Variants in GRIA4 observed in about 807,000 individuals in gnomAD.
The protein encoded by GRIA4 is glutamate receptor 4.
Under a neutral mutation model 104.0 loss-of-function variants are expected in GRIA4, and 34 were observed. The observed-to-expected ratio is 0.33, with a 90% CI of 0.25 to 0.44. The LOEUF (loss-of-function observed/expected upper bound fraction) is 0.44, where lower values mean the gene tolerates loss of function less well. Among genes scored for constraint, GRIA4 ranks in the 20% least tolerant of loss-of-function variants. GRIA4 has a pLI of 1.00. For missense variants in GRIA4, 750 were observed against 1,096.5 expected, an observed-to-expected ratio of 0.68 and a Z score of 4.46; for synonymous variants, 386 against 381.9, an observed-to-expected ratio of 1.01 and a Z score of -0.13.
At chr11:105,689,437 G>T (rs1047292725) in intron 3 of GRIA4, among the ~76,000 whole-genome samples, 21 of 152,124 alleles carry the variant, frequency 1.4e-4, no homozygotes, top group African/African-American at 5.1e-4. Flanking sequence ...CCCTTTTAAT[G>T]ACCTAGAACT....
At chr11:105,776,475 A>G in intron 4 of GRIA4, among the ~76,000 whole-genome samples, 1 of 152,216 alleles carries the variant, frequency 6.6e-6, no homozygotes, top group South Asian at 2.1e-4. Context: ...TAGTAAACAG[A>G]GAGATTGATT....
At chr11:105,746,172 T>A (rs75946531) in intron 3 of GRIA4, among the ~76,000 whole-genome samples, 5 of 151,956 alleles carry the variant, frequency 3.3e-5, no homozygotes, top group Non-Finnish European at 7.4e-5. Flanking sequence ...AGTAATTGTA[T>A]AATATTATTA....
intron 5 of GRIA4, among the ~76,000 whole-genome samples, chr11:105,870,646 G>T (rs1945581863): frequency 6.6e-6 from 1 of 152,022 alleles, no homozygotes; most frequent in African/African-American, 2.4e-5. Flanking sequence ...GCATGTGTGA[G>T]AACAGGGTAA....
chr11:105,955,772 C>A (rs1948571796), intron 14 of GRIA4, among the ~76,000 whole-genome samples: 1 of 152,198 alleles, frequency 6.6e-6, no homozygotes, highest in Non-Finnish European at 1.5e-5. Flanking sequence ...CACAGCCTTG[C>A]CAGCATCTAT....
At position 105,639,813 on chromosome 11, in the gene GRIA4, A is replaced by T. The variant is rs78900106; in HGVS notation, c.247+27379A>T. On this transcript the variant is annotated intron_variant, in intron 3 of 16. Transcript: ENST00000282499. Reference sequence around the variant, plus strand: ...CAGTGTTCTTCCATTGTTCCATAGTAACCTTACTGATATAAAAGTAGTAAC... The same window carrying T: ...CAGTGTTCTTCCATTGTTCCATAGTTACCTTACTGATATAAAAGTAGTAAC... 7.4e-4 allele frequency among the ~76,000 whole-genome samples: 112 copies of T among 152,094 alleles called. 1 individual carries two copies. The East Asian group carries it at 0.02, about 27-fold the overall frequency.
intron 4 of GRIA4, among the ~76,000 whole-genome samples, chr11:105,803,078 A>T (rs1591281313): frequency 6.6e-6 from 1 of 152,026 alleles, no homozygotes; most frequent in Non-Finnish European, 1.5e-5. Flanking sequence ...GGAAATATAG[A>T]TATGTCTACT....
At chr11:105,642,832 A>G (rs1027474917) in intron 3 of GRIA4, among the ~76,000 whole-genome samples, 2 of 152,174 alleles carry the variant, frequency 1.3e-5, no homozygotes, top group Non-Finnish European at 2.9e-5. Flanking sequence ...AAAGTATAGC[A>G]TGATGTCAGT....
chr11:105,913,779 T>A (rs540500078), intron 10 of GRIA4, among the ~76,000 whole-genome samples: 2 of 152,092 alleles, frequency 1.3e-5, no homozygotes, highest in Non-Finnish European at 2.9e-5. Flanking sequence ...GGGATGCTTA[T>A]GATGCATTGC....
At chr11:105,784,325 T>A (rs1941862338) in intron 4 of GRIA4, among the ~76,000 whole-genome samples, 1 of 152,244 alleles carries the variant, frequency 6.6e-6, no homozygotes, top group South Asian at 2.1e-4. Context: ...TTGGGAGACT[T>A]TCAAAAGCAG....
chr11:105,657,541 G>T (rs1044922664), intron 3 of GRIA4, among the ~76,000 whole-genome samples: 2 of 152,016 alleles, frequency 1.3e-5, no homozygotes, highest in African/African-American at 4.8e-5. Context: ...GTTGAGAACT[G>T]CTAACCTTAA....
chr11:105,877,971 C>G (rs926444866), intron 5 of GRIA4, among the ~76,000 whole-genome samples: 1 of 152,190 alleles, frequency 6.6e-6, no homozygotes, highest in African/African-American at 2.4e-5. Context: ...ATTTGTGATC[C>G]TTTGGAGGAG....
At chr11:105,692,873 C>T (rs183449188) in intron 3 of GRIA4, among the ~76,000 whole-genome samples, 8 of 152,198 alleles carry the variant, frequency 5.3e-5, no homozygotes, top group Admixed American at 2.6e-4. Context: ...TTGGGCATTA[C>T]TGAAATATAA....
chr11:105,861,735 T>A (rs1166205791), intron 4 of GRIA4, among the ~76,000 whole-genome samples: 1 of 152,124 alleles, frequency 6.6e-6, no homozygotes, highest in Admixed American at 6.6e-5. Flanking sequence ...TGGTTTGGGG[T>A]TTGTCTCATC....
chr11:105,646,636 T>C (rs773616079), intron 3 of GRIA4, among the ~76,000 whole-genome samples: 2 of 152,130 alleles, frequency 1.3e-5, no homozygotes, highest in Admixed American at 6.6e-5. Flanking sequence ...GAAATAAGAC[T>C]GCACACCTAC....
At chr11:105,795,203 C>T (rs1344710218) in intron 4 of GRIA4, among the ~76,000 whole-genome samples, 1 of 152,116 alleles carries the variant, frequency 6.6e-6, no homozygotes, top group Non-Finnish European at 1.5e-5. Context: ...CTACAGACTT[C>T]ACCAGAATGT....
chr11:105,724,877 T>A (rs943290472), intron 3 of GRIA4, among the ~76,000 whole-genome samples: 2 of 152,088 alleles, frequency 1.3e-5, no homozygotes, highest in African/African-American at 4.8e-5. Flanking sequence ...TTTTATGTTG[T>A]TGAGGGAAAA....
intron 3 of GRIA4, among the ~76,000 whole-genome samples, chr11:105,618,203 G>T (rs1950649276): frequency 6.6e-6 from 1 of 151,290 alleles, no homozygotes; most frequent in Admixed American, 6.6e-5. Context: ...ATGTAGCTAT[G>T]GTCAGGACAC....
chr11:105,915,653 T>C (rs1468588128), intron 10 of GRIA4, among the ~76,000 whole-genome samples: 1 of 152,198 alleles, frequency 6.6e-6, no homozygotes, highest in Non-Finnish European at 1.5e-5. Context: ...TTATCTACAC[T>C]GTTTACATAG....
chr11:105,816,407 T>C (rs976512522), intron 4 of GRIA4, among the ~76,000 whole-genome samples: 1 of 152,106 alleles, frequency 6.6e-6, no homozygotes, highest in African/African-American at 2.4e-5. Context: ...GAGTGAGTTC[T>C]CATGAGATCT....
Sources: gnomAD v4.1 joint callset for allele counts (sites outside exome capture counted in the v4.1 genomes callset) on GRCh38, gnomAD v4.1.1 for gene constraint, MANE v1.5 for transcripts, NCBI Gene and HGNC (gene_info 2026-07-23, HGNC 2026-07-21) for gene names.